Variants in EML1 observed in about 807,000 individuals in gnomAD.
The protein encoded by EML1 is EMAP like 1, also known as echinoderm microtubule-associated protein-like 1.
A neutral mutation model predicts 110.4 loss-of-function variants in EML1; 27 were observed. The ratio of observed to expected loss-of-function variants is 0.24; its 90% CI spans 0.18 to 0.34. EML1 has a LOEUF of 0.34. Among genes scored for constraint, EML1 ranks in the 10% least tolerant of loss-of-function variants. The pLI is 1.00. For synonymous variants in EML1, 344 were observed against 385.8 expected (o/e 0.89, Z 1.27); for missense variants, 741 against 1,030.9 (o/e 0.72, Z 3.85).
intron 1 of EML1, among the ~76,000 whole-genome samples, chr14:99,802,139 G>A (rs1005484873): frequency 1.3e-5 from 2 of 152,134 alleles, no homozygotes; most frequent in African/African-American, 4.8e-5. Flanking sequence ...GTGGGAGTGG[G>A]GAGAGCCATT....
intron 17 of EML1, among the ~76,000 whole-genome samples, chr14:99,930,588 A>G (rs1168778582): frequency 6.6e-6 from 1 of 152,204 alleles, no homozygotes. Flanking sequence ...GTTTATCACA[A>G]CCAGTCAGCT....
At chr14:99,789,663 C>G (rs114770170), upstream of EML1, among the ~76,000 whole-genome samples, 2,804 of 152,316 alleles carry the variant, frequency 0.018, 85 homozygotes, top group African/African-American at 0.064. Flanking sequence ...TTGGATTAAA[C>G]AATAGATGCA....
chr14:99,869,300 A>G lies in EML1; in HGVS notation c.383+3654A>G, dbSNP rs182500338. 6.3e-4 allele frequency among the ~76,000 whole-genome samples: 96 copies of G among 152,174 alleles called. 1 individual carries two copies. The highest frequency in any genetic ancestry group is 3.1e-3 in the Admixed American group (48 of 15,276). ...ACATTACAACTTTTTTGTTATCATT[A>G]TGTCTGGTATGGTGATCAGTGATCT... On this transcript the variant is annotated intron_variant, in intron 3 of 21. Coordinates refer to ENST00000262233, the MANE Select transcript of EML1 (RefSeq NM_004434.3).
chr14:99,832,871 T>C (rs897518581), intron 1 of EML1, among the ~76,000 whole-genome samples: 2 of 152,218 alleles, frequency 1.3e-5, no homozygotes, highest in Non-Finnish European at 2.9e-5. Flanking sequence ...AAATCTAATT[T>C]ACCATTTTTT....
intron 3 of EML1, among the ~76,000 whole-genome samples, chr14:99,869,126 C>G (rs1346753277): frequency 6.6e-6 from 1 of 152,168 alleles, no homozygotes; most frequent in East Asian, 1.9e-4. Context: ...ATGCATGCCT[C>G]ATTTTATTGT....
rs560947241 is a variant in EML1 at position 99,774,576 on chromosome 14, C to T, written c.-27+563C>T. 1.6e-4 allele frequency among the ~76,000 whole-genome samples: 24 copies of T among 152,332 alleles called. No individual in the cohort carries two copies. The East Asian group carries it at 4.2e-3, about 27-fold the overall frequency. Reference sequence around the variant, plus strand: ...TTGGCACGGGAGCAGCCCTCCAAGCCCCTGCTCTAGCCCTGGCCACATAGG... The same window carrying T: ...TTGGCACGGGAGCAGCCCTCCAAGCTCCTGCTCTAGCCCTGGCCACATAGG... On this transcript the variant is annotated intron_variant, in intron 1 of 22. Transcript: ENST00000327921.
chr14:99,747,414 C>CTGGCCTGA (rs2057124119), intron 1 of EML1, among the ~76,000 whole-genome samples: 1 of 151,742 alleles, frequency 6.6e-6, no homozygotes, highest in Non-Finnish European at 1.5e-5. Flanking sequence ...TGGCAGCTGT[C>CTGGCCTGA]TGGCCTGATG....
At chr14:99,931,393 T>G (rs778475764) in intron 17 of EML1, among the ~76,000 whole-genome samples, 1 of 152,214 alleles carries the variant, frequency 6.6e-6, no homozygotes, top group African/African-American at 2.4e-5. Flanking sequence ...GCAAGTCTAA[T>G]TGAACCCTCT....
At chr14:99,903,882 CA>C (rs1311149394) in intron 9 of EML1, among the ~76,000 whole-genome samples, 1 of 150,814 alleles carries the variant, frequency 6.6e-6, no homozygotes, top group East Asian at 1.9e-4. Flanking sequence ...CTCCCGGGTT[CA>C]AGCAATTCTC....
chr14:99,808,507 C>T (rs2058018931), intron 1 of EML1, among the ~76,000 whole-genome samples: 1 of 152,188 alleles, frequency 6.6e-6, no homozygotes, highest in Non-Finnish European at 1.5e-5. Context: ...AGTGTAAGAA[C>T]TTCCAGCATT....
intron 3 of EML1, among the ~76,000 whole-genome samples, chr14:99,867,145 A>G (rs917272731): frequency 2.6e-5 from 4 of 152,126 alleles, no homozygotes; most frequent in Admixed American, 6.5e-5. Flanking sequence ...TTTTGTCTAT[A>G]CATTCATCCA....
intron 1 of EML1, among the ~76,000 whole-genome samples, chr14:99,845,622 GACTT>G (rs1404422920): frequency 1.3e-5 from 2 of 152,210 alleles, no homozygotes; most frequent in Admixed American, 6.5e-5. Flanking sequence ...GTTTTAAAAA[GACTT>G]ACACAATATT....
chr14:99,878,948 G>A (rs992016880), intron 4 of EML1, among the ~76,000 whole-genome samples: 1 of 152,170 alleles, frequency 6.6e-6, no homozygotes, highest in African/African-American at 2.4e-5. Flanking sequence ...GAGCACCTTC[G>A]ATTTCTAGTA....
Position 99,941,855 on chromosome 14 carries a change from T to G in EML1, c.*1743T>G, listed in dbSNP as rs1442927950. 6.6e-6 allele frequency: 1 copy of G among 152,242 alleles called. No individual in the cohort carries two copies. Among genetic ancestry groups the G allele is most frequent in the East Asian group, 1.9e-4 (1 of 5,202 alleles). 9.4% of individuals were successfully genotyped at this position (152,242 alleles called of 1,614,324 possible). On this transcript the variant is annotated 3_prime_UTR_variant, in exon 22 of 22. Coordinates refer to ENST00000262233, the MANE Select transcript of EML1 (RefSeq NM_004434.3). ...GATGAGGGAAGGAAAAGGCATTCAT[T>G]ATTGACTTACATGTCAGTAAGGTCT... is the stretch of plus-strand genomic sequence containing the variant.
intron 1 of EML1, among the ~76,000 whole-genome samples, chr14:99,846,119 GAATT>G (rs1201550770): frequency 6.6e-6 from 1 of 151,482 alleles, no homozygotes; most frequent in African/African-American, 2.4e-5. Flanking sequence ...GGGCAAGACA[GAATT>G]ATTTATCCAG....
Position 99,807,442 on chromosome 14 carries a change from TG to T in EML1, c.67+13900del, listed in dbSNP as rs568789916. ...CTCAATGGCCAATTTAAGGCGATTGTGACAAAGTCACTGTTGTGAAGGTTGG... is the reference window on the plus strand; with the variant it reads ...CTCAATGGCCAATTTAAGGCGATTGTACAAAGTCACTGTTGTGAAGGTTGG... On this transcript the variant is annotated intron_variant, in intron 1 of 21. Coordinates refer to ENST00000262233, the MANE Select transcript of EML1 (RefSeq NM_004434.3). Among the ~76,000 whole-genome samples, 761 of 152,300 alleles carry T rather than the reference TG, an allele frequency of 5.0e-3. 5 individuals are homozygous for T. The highest frequency in any genetic ancestry group is 0.017 in the African/African-American group (725 of 41,562).
chr14:99,776,605 A>G (rs535201502), intron 1 of EML1, among the ~76,000 whole-genome samples: 1 of 152,286 alleles, frequency 6.6e-6, no homozygotes, highest in Admixed American at 6.5e-5. Flanking sequence ...ACTAGCTTTT[A>G]CTACAGGACG....
At chr14:99,907,346 C>T (rs1004323692) in intron 9 of EML1, 6 of 351,914 alleles carry the variant, frequency 1.7e-5, no homozygotes, top group East Asian at 1.2e-4. Flanking sequence ...TACACACCCG[C>T]GGTCCCAGCT....
At chr14:99,929,165 T>C (rs537135462) in intron 17 of EML1, among the ~76,000 whole-genome samples, 38 of 152,300 alleles carry the variant, frequency 2.5e-4, no homozygotes, top group Non-Finnish European at 5.3e-4. Flanking sequence ...GAACTCTGCC[T>C]CTCAGCTTCA....
Sources: allele counts gnomAD v4.1 joint callset (sites outside exome capture counted in the v4.1 genomes callset), GRCh38; gene constraint gnomAD v4.1.1; transcripts MANE v1.5; gene names NCBI Gene and HGNC (gene_info 2026-07-23, HGNC 2026-07-21).